The following SPTBN1 variants were observed in gnomAD, a reference collection of about 807,000 sequenced individuals.
SPTBN1 encodes the protein spectrin beta, non-erythrocytic 1, also known as spectrin beta chain, non-erythrocytic 1.
A neutral mutation model predicts 266.4 loss-of-function variants in SPTBN1; 32 were observed. The observed-to-expected ratio is 0.12, with a 90% confidence interval of 0.09 to 0.16. The LOEUF (loss-of-function observed/expected upper bound fraction) is 0.16. Ranked by LOEUF, SPTBN1 falls within the 10% of genes least tolerant of loss-of-function variation. The pLI, the probability that SPTBN1 is intolerant of heterozygous loss-of-function variation, is 1.00. For missense variants in SPTBN1, 2,296 were observed against 3,067.1 expected, an observed-to-expected ratio of 0.75 and a Z score of 5.94; for synonymous variants, 1,336 against 1,162.2, an observed-to-expected ratio of 1.15 and a Z score of -3.04.
At chr2:54,662,400 A>G (rs1681106785) in intron 32 of SPTBN1, 3 of 922,210 alleles carry the variant, frequency 3.3e-6, no homozygotes, top group Admixed American at 6.2e-5. Flanking sequence ...TTCTAACTCT[A>G]AAGAAAAAAT....
At chr2:54,472,972 T>C (rs923345061) in intron 1 of SPTBN1, among the ~76,000 whole-genome samples, 1 of 152,258 alleles carries the variant, frequency 6.6e-6, no homozygotes, top group African/African-American at 2.4e-5. Context: ...TTAACAGATA[T>C]GTTAATTATC....
At chr2:54,659,637 G>A (rs1051612157) in intron 31 of SPTBN1, among the ~76,000 whole-genome samples, 2 of 152,050 alleles carry the variant, frequency 1.3e-5, no homozygotes, top group African/African-American at 4.8e-5. Context: ...TTCACACAGA[G>A]GGCAGCAATT....
In SPTBN1 at chr2:54,649,112, C is replaced by A. The variant is rs764062758; in HGVS notation, c.5124C>A (p.Asp1708Glu). 1.2e-6 allele frequency: 2 copies of A among 1,613,930 alleles called. No individual in the cohort carries two copies. The highest frequency in any genetic ancestry group is 3.3e-5 in the Admixed American group (2 of 60,016). The change falls in exon 25 of 36, where the codon GAC becomes GAA. Residue 1708 changes from aspartate (D) to glutamate (E), a missense_variant. Asp to Glu is a conservative substitution (Grantham distance 45). This residue lies in a region of SPTBN1 where 644 missense variants were observed against 745.3 expected (regional missense o/e 0.86). Transcript: ENST00000356805. This position sits in a 1 kb window ranked among gnomAD's most constrained non-coding sequence, Gnocchi z 6.7. ...TATTCCAGCTCAACCGGGAGGTGGA[C>A]GACCTGGAGCAGTGGATCGCTGAGA... ...HRLFQLNREV[D>E]DLEQWIAERE...
chr2:54,538,179 A>T (rs1008072535), intron 2 of SPTBN1, among the ~76,000 whole-genome samples: 1 of 152,258 alleles, frequency 6.6e-6, no homozygotes, highest in Admixed American at 6.5e-5. Flanking sequence ...TTGAATAAAC[A>T]AAATTAACAA....
chr2:54,465,991 A>G lies in SPTBN1; in HGVS notation c.-48+9473A>G, dbSNP rs74700039. On this transcript the variant is annotated intron_variant, in intron 1 of 35. Coordinates refer to ENST00000356805, the MANE Select transcript of SPTBN1 (RefSeq NM_003128.3). Reference sequence around the variant, plus strand: ...GTTGTTTGAAGAAGCTTTCAGGATTAATTGTGCTTTGACATATAAAAATAA... The same window carrying G: ...GTTGTTTGAAGAAGCTTTCAGGATTGATTGTGCTTTGACATATAAAAATAA... Among the ~76,000 whole-genome samples, 138 of 152,322 alleles carry G rather than the reference A, an allele frequency of 9.1e-4. 3 individuals are homozygous for G. In the East Asian group the frequency reaches 0.024, roughly 27 times the overall value.
At chr2:54,471,548 T>C (rs1693919310) in intron 1 of SPTBN1, among the ~76,000 whole-genome samples, 1 of 151,676 alleles carries the variant, frequency 6.6e-6, no homozygotes, top group African/African-American at 2.4e-5. Flanking sequence ...GGTTGTGTAA[T>C]GCAGCAACAT....
intron 1 of SPTBN1, among the ~76,000 whole-genome samples, chr2:54,478,344 C>G (rs1216037361): frequency 2.6e-5 from 4 of 151,998 alleles, no homozygotes; most frequent in Non-Finnish European, 5.9e-5. Context: ...TTTTTCCTCA[C>G]TCTTCAAGGA....
intron 2 of SPTBN1, among the ~76,000 whole-genome samples, chr2:54,587,615 T>G (rs776599708): frequency 5.3e-5 from 8 of 152,182 alleles, no homozygotes; most frequent in Non-Finnish European, 8.8e-5. Context: ...TGATGGTGTA[T>G]GAAGTGTCCA....
chr2:54,607,042 G>T (rs1387801362), intron 3 of SPTBN1, among the ~76,000 whole-genome samples: 6 of 152,210 alleles, frequency 3.9e-5, no homozygotes, highest in Non-Finnish European at 8.8e-5. Flanking sequence ...AAATCATTTT[G>T]AAGTTTCTAA....
At chr2:54,661,020 G>C in intron 32 of SPTBN1, 1 of 985,400 alleles carries the variant, frequency 1.0e-6, no homozygotes, top group Non-Finnish European at 1.2e-6. Flanking sequence ...GTTGCACTTG[G>C]TGGACCGTGC....
chr2:54,470,714 C>G lies in SPTBN1; in HGVS notation c.-48+14196C>G, dbSNP rs912865249. On this transcript the variant is annotated intron_variant, in intron 1 of 35. Coordinates refer to ENST00000356805, the MANE Select transcript of SPTBN1 (RefSeq NM_003128.3). ...TTCACCAGAACAGGGTGGCATGTGC[C>G]TGTAATCCTAGCTACTTGAGAGGCT... 2.6e-5 allele frequency among the ~76,000 whole-genome samples: 4 copies of G among 152,236 alleles called. No homozygotes were observed. In the East Asian group the frequency reaches 5.8e-4, roughly 22 times the overall value.
chr2:54,517,484 A>G (rs974161460), intron 1 of SPTBN1, among the ~76,000 whole-genome samples: 3 of 152,144 alleles, frequency 2.0e-5, no homozygotes. Flanking sequence ...GTCATTGATA[A>G]ATAAAAGTTA....
At position 54,662,327 on chromosome 2, in the gene SPTBN1, T is replaced by A. The variant is rs1262508559; in HGVS notation, c.6421-2126T>A. On this transcript the variant is annotated intron_variant, in intron 32 of 35. Transcript: ENST00000356805. The stretch of plus-strand genomic sequence containing the variant: ...CCTTTTATTTTCCTTGTTTTCTTGG[T>A]TAGTGATTCATTTGCATAAACATTA... 4 of 985,024 alleles carry A rather than the reference T, an allele frequency of 4.1e-6. No homozygotes were observed. The South Asian group carries it at 1.9e-4, about 46-fold the overall frequency. The allele number at this position is 985,024 out of a possible 1,614,324, so 61.0% of individuals were successfully genotyped here.
intron 1 of SPTBN1, among the ~76,000 whole-genome samples, chr2:54,522,145 G>C (rs1356577986): frequency 1.3e-5 from 2 of 151,792 alleles, no homozygotes; most frequent in Non-Finnish European, 2.9e-5. Context: ...CAAGTGATCT[G>C]CCTCCCTTGG....
At chr2:54,489,773 AAG>A (rs1409380903) in intron 1 of SPTBN1, among the ~76,000 whole-genome samples, 1 of 152,208 alleles carries the variant, frequency 6.6e-6, no homozygotes, top group East Asian at 1.9e-4. Flanking sequence ...AGCTTTTACA[AAG>A]AGCGTGCATA....
intron 2 of SPTBN1, among the ~76,000 whole-genome samples, chr2:54,576,124 G>A (rs997615555): frequency 1.4e-5 from 2 of 142,300 alleles, no homozygotes; most frequent in Non-Finnish European, 3.0e-5. Context: ...GTGCGATCTC[G>A]GCTCACTGCA....
intron 2 of SPTBN1, among the ~76,000 whole-genome samples, chr2:54,563,077 A>G (rs1033630033): frequency 1.3e-5 from 2 of 152,106 alleles, no homozygotes; most frequent in African/African-American, 4.8e-5. Flanking sequence ...GTTCACAGGC[A>G]TTGTTGAGTT....
chr2:54,620,205 A>G (rs1677903898), intron 7 of SPTBN1, among the ~76,000 whole-genome samples: 1 of 152,214 alleles, frequency 6.6e-6, no homozygotes. Context: ...GCCCTTGGGG[A>G]CTGAATTTTG....
intron 2 of SPTBN1, among the ~76,000 whole-genome samples, chr2:54,583,713 A>C (rs962990767): frequency 6.6e-6 from 1 of 152,224 alleles, no homozygotes; most frequent in African/African-American, 2.4e-5. Context: ...GAAGAAAGAC[A>C]TGAAAATTCA....
Sources: allele counts gnomAD v4.1 joint callset (sites outside exome capture counted in the v4.1 genomes callset), GRCh38; gene constraint gnomAD v4.1.1; regional missense constraint gnomAD v4.1.1; non-coding constraint Gnocchi (gnomAD v3.1); transcripts MANE v1.5; gene names NCBI Gene and HGNC (gene_info 2026-07-23, HGNC 2026-07-21).